Variants in SH3PXD2A observed in about 807,000 individuals in gnomAD.
SH3PXD2A encodes SH3 and PX domains 2A.
A neutral mutation model predicts 115.2 loss-of-function variants in SH3PXD2A; 32 were observed. The ratio of observed to expected loss-of-function variants is 0.28; its 90% confidence interval spans 0.21 to 0.37. The LOEUF (loss-of-function observed/expected upper bound fraction) is 0.37, where lower values mean the gene tolerates loss of function less well. Among genes scored for constraint, SH3PXD2A ranks in the 10% least tolerant of loss-of-function variants. The pLI, the probability that SH3PXD2A is intolerant of heterozygous loss-of-function variation, is 1.00. For missense variants in SH3PXD2A, 1,328 were observed against 1,498.7 expected, an observed-to-expected ratio of 0.89 and a Z score of 1.88; for synonymous variants, 610 against 629.1, an observed-to-expected ratio of 0.97 and a Z score of 0.45.
At position 103,728,889 on chromosome 10, in the gene SH3PXD2A, G is replaced by GTTTTTTTTTTTTTTTTTTT. The variant is rs199842369; in HGVS notation, c.307-4529_307-4528insAAAAAAAAAAAAAAAAAAA. On this transcript the variant is annotated intron_variant, in intron 4 of 14. Transcript: ENST00000369774. ...TAGCAAAGAGTTGTTTTTTTTGTTTGTTTGTTTGTTTTTTTTTTTTTGAGA... is the reference window on the plus strand; with the variant it reads ...TAGCAAAGAGTTGTTTTTTTTGTTTGTTTTTTTTTTTTTTTTTTTTTTGTTTGTTTTTTTTTTTTTGAGA... 2.8e-5 allele frequency among the ~76,000 whole-genome samples: 4 copies of GTTTTTTTTTTTTTTTTTTT among 142,850 alleles called. 1 individual carries two copies. The highest frequency in any genetic ancestry group is 8.0e-5 in the African/African-American group (3 of 37,372). The allele number at this position is 142,850 out of a possible 152,430, so 93.7% of individuals were successfully genotyped here.
intron 8 of SH3PXD2A, among the ~76,000 whole-genome samples, chr10:103,631,205 C>T (rs1020186805): frequency 6.6e-6 from 1 of 152,064 alleles, no homozygotes; most frequent in African/African-American, 2.4e-5. Context: ...TTTAAGGCTG[C>T]AGTGAGCTAT....
At chr10:103,671,008 C>A (rs540985794) in intron 6 of SH3PXD2A, among the ~76,000 whole-genome samples, 1 of 152,362 alleles carries the variant, frequency 6.6e-6, no homozygotes, top group Non-Finnish European at 1.5e-5. Context: ...CCCATCCCAG[C>A]GCCATCTGGC....
chr10:103,647,202 T>C (rs1281302812), intron 8 of SH3PXD2A, among the ~76,000 whole-genome samples: 1 of 152,154 alleles, frequency 6.6e-6, no homozygotes, highest in Non-Finnish European at 1.5e-5. Flanking sequence ...TGCAATATCA[T>C]GGCATCAGCT....
intron 5 of SH3PXD2A, among the ~76,000 whole-genome samples, chr10:103,719,220 C>T (rs745591805): frequency 2.1e-4 from 32 of 152,230 alleles, no homozygotes; most frequent in Non-Finnish European, 2.2e-4. Context: ...AGGCCGGTAC[C>T]CACCTACTCT....
intron 5 of SH3PXD2A, among the ~76,000 whole-genome samples, chr10:103,712,993 G>A (rs1261623305): frequency 6.6e-6 from 1 of 152,240 alleles, no homozygotes; most frequent in Non-Finnish European, 1.5e-5. Context: ...TGGATTGTAC[G>A]GATGCTCAAA....
At chr10:103,611,655 A>G (rs775591662) in intron 12 of SH3PXD2A, 25 bp from the exon 13 acceptor site, 82 of 1,607,072 alleles carry the variant, frequency 5.1e-5, no homozygotes, top group Non-Finnish European at 6.7e-5. Flanking sequence ...ATGGCTTCAG[A>G]AATCCTAGTC....
At chr10:103,727,706 C>G (rs919773797) in intron 4 of SH3PXD2A, among the ~76,000 whole-genome samples, 7 of 152,244 alleles carry the variant, frequency 4.6e-5, no homozygotes, top group African/African-American at 1.7e-4. Flanking sequence ...ATTCCGGAGG[C>G]AGAGGACGCG....
At chr10:103,677,780 G>A (rs2037558008) in intron 6 of SH3PXD2A, among the ~76,000 whole-genome samples, 1 of 152,200 alleles carries the variant, frequency 6.6e-6, no homozygotes, top group Non-Finnish European at 1.5e-5. Flanking sequence ...CTTGAATGCA[G>A]GAGGTGCCCA....
intron 8 of SH3PXD2A, among the ~76,000 whole-genome samples, chr10:103,660,200 G>A (rs2037271005): frequency 6.6e-6 from 1 of 152,170 alleles, no homozygotes; most frequent in Non-Finnish European, 1.5e-5. Flanking sequence ...GCTGATGGAT[G>A]TCCTGGGCTC....
At chr10:103,652,855 G>A (rs1315734141) in intron 8 of SH3PXD2A, among the ~76,000 whole-genome samples, 21 of 152,186 alleles carry the variant, frequency 1.4e-4, no homozygotes, top group Admixed American at 1.4e-3. Flanking sequence ...AGTCACCTCT[G>A]TCAGCTCCGC....
chr10:103,621,826 C>T (rs2036608914), intron 10 of SH3PXD2A, among the ~76,000 whole-genome samples: 1 of 152,220 alleles, frequency 6.6e-6, no homozygotes, highest in Non-Finnish European at 1.5e-5. Flanking sequence ...TGGGGGGCTC[C>T]CTGGACTCCC....
intron 8 of SH3PXD2A, among the ~76,000 whole-genome samples, chr10:103,643,357 C>T (rs1018541051): frequency 6.6e-6 from 1 of 152,160 alleles, no homozygotes; most frequent in African/African-American, 2.4e-5. Context: ...CTGAGTAACA[C>T]CTACACTAGT....
At chr10:103,736,045 G>A (rs1474410933) in intron 3 of SH3PXD2A, among the ~76,000 whole-genome samples, 1 of 152,202 alleles carries the variant, frequency 6.6e-6, no homozygotes, top group Non-Finnish European at 1.5e-5. Context: ...GCCATCTTGG[G>A]ATTCAATGAG....
At chr10:103,640,250 G>A (rs2036934117) in intron 8 of SH3PXD2A, among the ~76,000 whole-genome samples, 1 of 152,100 alleles carries the variant, frequency 6.6e-6, no homozygotes, top group South Asian at 2.1e-4. Flanking sequence ...AGGAGGTGGA[G>A]GTTGCAGTGA....
intron 1 of SH3PXD2A, among the ~76,000 whole-genome samples, chr10:103,839,923 C>T (rs1419623830): frequency 6.6e-6 from 1 of 152,232 alleles, no homozygotes; most frequent in Non-Finnish European, 1.5e-5. Context: ...TGGGCAGCCA[C>T]CAGGCCTGGG....
At chr10:103,702,585 C>CTGTGTGTGTGCGTGTGTG (rs1554913248) in intron 5 of SH3PXD2A, among the ~76,000 whole-genome samples, 28 of 33,002 alleles carry the variant, frequency 8.5e-4, no homozygotes, top group African/African-American at 2.8e-3. Flanking sequence ...AGATGTAAGC[C>CTGTGTGTGTGCGTGTGTG]TGTGTGTGTG....
intron 2 of SH3PXD2A, among the ~76,000 whole-genome samples, chr10:103,798,835 G>T (rs1250678220): frequency 6.6e-6 from 1 of 152,206 alleles, no homozygotes; most frequent in African/African-American, 2.4e-5. Context: ...GGCACAGGGA[G>T]CTCACCACAG....
intron 1 of SH3PXD2A, among the ~76,000 whole-genome samples, chr10:103,816,997 ATTTTT>A (rs56260224): frequency 1.0e-5 from 1 of 99,606 alleles, no homozygotes; most frequent in African/African-American, 3.8e-5. Flanking sequence ...CACCCGGCTA[ATTTTT>A]TTTTTTTTTT....
chr10:103,789,437 G>A (rs1475244103), intron 2 of SH3PXD2A, among the ~76,000 whole-genome samples: 1 of 152,144 alleles, frequency 6.6e-6, no homozygotes, highest in African/African-American at 2.4e-5. Flanking sequence ...CGTAGCTAGT[G>A]CTCCTCCAGA....
Sources: gnomAD v4.1 joint callset for allele counts (sites outside exome capture counted in the v4.1 genomes callset) on GRCh38, gnomAD v4.1.1 for gene constraint, MANE v1.5 for transcripts, NCBI Gene and HGNC (gene_info 2026-07-23, HGNC 2026-07-21) for gene names.